The following EXOSC2 variants were observed in gnomAD, a reference collection of about 807,000 sequenced individuals.
The protein encoded by EXOSC2 is exosome complex component RRP4.
EXOSC2 carries 29 observed loss-of-function variants against 37.6 expected under a neutral mutation model. The ratio of observed to expected loss-of-function variants is 0.77; its 90% CI spans 0.57 to 1.05. EXOSC2 has a LOEUF of 1.05. Ranked by LOEUF, EXOSC2 falls within the 50% of genes least tolerant of loss-of-function variation. EXOSC2 has a pLI of 0.00. For missense variants in EXOSC2, 346 were observed against 365.6 expected (o/e 0.95, Z 0.44); for synonymous variants, 119 against 131.1 (o/e 0.91, Z 0.63).
chr9:130,703,072 G>C lies in EXOSC2; in HGVS notation c.692G>C (p.Arg231Pro). 2 of 1,613,456 alleles carry C rather than the reference G, an allele frequency of 1.2e-6. No individual in the cohort carries two copies. Among genetic ancestry groups the C allele is most frequent in the Non-Finnish European group, 1.7e-6 (2 of 1,179,730 alleles). The change falls in exon 8 of 9, where the codon CGA becomes CCA. Residue 231 changes from arginine (R) to proline (P), a missense_variant. Arg to Pro is a moderately radical substitution (Grantham distance 103). Transcript: ENST00000372358. ...ANLEPVSLAD[R>P]EVISRLRNCI... is the part of the protein sequence containing the mutation. ...TTATAGCCTGTCTCTCTTGCTGATC[G>C]AGAGGTGATATCCCGGCTTCGGAAC...
intron 2 of EXOSC2, among the ~76,000 whole-genome samples, chr9:130,697,156 G>A (rs1293210422): frequency 2.6e-5 from 4 of 152,206 alleles, no homozygotes; most frequent in African/African-American, 9.7e-5. Flanking sequence ...TAAGGAACTA[G>A]CAAAGGGGCT....
chr9:130,701,945 G>A lies in EXOSC2; in HGVS notation c.496-189G>A. The stretch of plus-strand genomic sequence containing the variant: ...ATTGAAGGTCACCTTCTGCTGGGAT[G>A]TATGAATAGCCTCTGAGTCCCAAAG... On this transcript the variant is annotated intron_variant, in intron 6 of 8. Transcript: ENST00000372358. The A allele has an allele frequency of 2.8e-6, 4 of 1,408,496 alleles. No homozygotes were observed. In the East Asian group the frequency reaches 7.8e-5, roughly 27 times the overall value. The allele number at this position is 1,408,496 out of a possible 1,614,324, so 87.2% of individuals were successfully genotyped here. A position where few individuals can be genotyped will look rare whatever the true frequency, so the allele number is the denominator to read the frequency against.
In EXOSC2 at chr9:130,697,799, T is replaced by G. The variant is rs1831128194; in HGVS notation, c.270+172T>G. Reference sequence around the variant, plus strand: ...TTCGATTTCAGATTACTGGTTCATGTTTTTTTTTTTTTGAGATGGAGTCTC... The same window carrying G: ...TTCGATTTCAGATTACTGGTTCATGGTTTTTTTTTTTTGAGATGGAGTCTC... On this transcript the variant is annotated intron_variant, in intron 3 of 8. Coordinates refer to ENST00000372358, the MANE Select transcript of EXOSC2 (RefSeq NM_014285.7). 1.7e-5 allele frequency: 4 copies of G among 241,306 alleles called. No homozygotes were observed. The East Asian group carries it at 2.6e-4, about 16-fold the overall frequency. 14.9% of individuals were successfully genotyped at this position (241,306 alleles called of 1,614,324 possible).
At position 130,694,362 on chromosome 9, in the gene EXOSC2, TAC is replaced by T. The variant is rs1305702110; in HGVS notation, c.122+453_122+454del. Among the ~76,000 whole-genome samples, 2 of 152,164 alleles carry T rather than the reference TAC, an allele frequency of 1.3e-5. No individual in the cohort carries two copies. Among genetic ancestry groups the T allele is most frequent in the Admixed American group, 1.3e-4 (2 of 15,282 alleles). On this transcript the variant is annotated intron_variant, in intron 1 of 8. Coordinates refer to ENST00000372358, the MANE Select transcript of EXOSC2 (RefSeq NM_014285.7). This position sits in a 1 kb window ranked among gnomAD's most constrained non-coding sequence, Gnocchi z 4.0. ...ACATTGTGCTGCATGCACCCATTTATACACATTTTGAATCTAAGGGGTGTAGT... is the reference window on the plus strand; with the variant it reads ...ACATTGTGCTGCATGCACCCATTTATACATTTTGAATCTAAGGGGTGTAGT...
At chr9:130,699,489 A>C in intron 5 of EXOSC2, 95 bp downstream of exon 5, 1 of 1,230,832 alleles carries the variant, frequency 8.1e-7, no homozygotes, top group South Asian at 1.2e-5. Context: ...GAACCATGTC[A>C]TCCTTGCAGG....
chr9:130,703,500 G>C (rs1203960867), intron 8 of EXOSC2, among the ~76,000 whole-genome samples, 194 bp from the exon 9 acceptor site: 1 of 152,188 alleles, frequency 6.6e-6, no homozygotes, highest in African/African-American at 2.4e-5. Context: ...CTTTGTTCTT[G>C]TCGACTATAT....
At chr9:130,695,379 C>G (rs760500253) in intron 1 of EXOSC2, 113 bp from the exon 2 acceptor site, 1 of 873,340 alleles carries the variant, frequency 1.1e-6, no homozygotes, top group Non-Finnish European at 1.9e-6. Context: ...AGCACAGAAG[C>G]CACGCTTTGC....
In EXOSC2 at chr9:130,693,839, G is replaced by C; in HGVS notation, c.48G>C (p.Glu16Asp). 1 of 1,612,266 alleles carries C rather than the reference G, an allele frequency of 6.2e-7. No individual in the cohort carries two copies. The highest frequency in any genetic ancestry group is 8.5e-7 in the Non-Finnish European group (1 of 1,178,740). ...CAGTGGCTCGCAAGCCTCTTAGCGA[G>C]AGACTGGGCCGCGACACTAAGAAAC... is the stretch of plus-strand genomic sequence containing the variant. ...RLPVARKPLS[E>D]RLGRDTKKHL... The change falls in exon 1 of 9, where the codon GAG becomes GAC. Residue 16 changes from glutamate to aspartate, a missense_variant. Glu to Asp is a conservative substitution (Grantham distance 45). Transcript: ENST00000372358.
intron 2 of EXOSC2, 29 bp downstream of exon 2, chr9:130,695,622 C>G: frequency 2.5e-6 from 4 of 1,594,716 alleles, no homozygotes; most frequent in Non-Finnish European, 3.4e-6. Context: ...TATTCCCTTT[C>G]TTGCAGCATC....
Position 130,702,208 on chromosome 9 carries a change from A to G in EXOSC2, c.570A>G (p.Pro190=). The G allele has an allele frequency of 6.2e-7, 1 of 1,614,086 alleles. No individual in the cohort carries two copies. The highest frequency in any genetic ancestry group is 1.1e-5 in the South Asian group (1 of 91,056). ...KRQKTHFHDL[P]CGASVILGNN... ...AGAAGACCCACTTTCATGATTTGCC[A>G]TGTGGTGCCTCAGTGATTCTCGGTA... is the stretch of plus-strand genomic sequence containing the variant. The change falls in exon 7 of 9, where the codon CCA becomes CCG. Residue 190 remains proline (P), a synonymous_variant. Transcript: ENST00000372358.
intron 3 of EXOSC2, chr9:130,697,867 C>T (rs1310609797): frequency 1.5e-5 from 8 of 545,376 alleles, no homozygotes; most frequent in Non-Finnish European, 2.6e-5. Context: ...GATCTTGGCT[C>T]ACTGCAACCT....
intron 6 of EXOSC2, 66 bp downstream of exon 6, chr9:130,701,001 A>G: frequency 6.6e-7 from 1 of 1,521,248 alleles, no homozygotes; most frequent in Non-Finnish European, 9.1e-7. Context: ...GAATCCCCAT[A>G]GCTCTCTGGA....
At chr9:130,702,539 A>C (rs1831240021) in intron 7 of EXOSC2, among the ~76,000 whole-genome samples, 1 of 152,108 alleles carries the variant, frequency 6.6e-6, no homozygotes, top group Admixed American at 6.6e-5. Flanking sequence ...GTTGCAGGGT[A>C]ATAGCCGAAG....
chr9:130,698,107 A>G lies in EXOSC2; in HGVS notation c.271-55A>G. The G allele has an allele frequency of 6.5e-7, 1 of 1,548,148 alleles. No individual in the cohort carries two copies. The highest frequency in any genetic ancestry group is 8.9e-7 in the Non-Finnish European group (1 of 1,120,762). Reference sequence around the variant, plus strand: ...CCACATCTGGCCTTACTGGTTATTTATGATATGACACATGAACATGGAGCA... The same window carrying G: ...CCACATCTGGCCTTACTGGTTATTTGTGATATGACACATGAACATGGAGCA... On this transcript the variant is annotated intron_variant, in intron 3 of 8. Coordinates refer to ENST00000372358, the MANE Select transcript of EXOSC2 (RefSeq NM_014285.7). The surrounding 1 kb of genome is among the most constrained non-coding windows in gnomAD (Gnocchi z 4.1).
In EXOSC2 at chr9:130,698,342, A is replaced by G. The variant is rs1406576642; in HGVS notation, c.360+91A>G. ...GTTCCACCAGAGGACTTTGATTTACACTGAGGTTGCCCCTTTGACTCCTGT... is the reference window on the plus strand; with the variant it reads ...GTTCCACCAGAGGACTTTGATTTACGCTGAGGTTGCCCCTTTGACTCCTGT... On this transcript the variant is annotated intron_variant, in intron 4 of 8. Transcript: ENST00000372358. This position sits in a 1 kb window ranked among gnomAD's most constrained non-coding sequence, Gnocchi z 4.1. 8.5e-7 allele frequency: 1 copy of G among 1,180,644 alleles called. No individual in the cohort carries two copies. Among genetic ancestry groups the G allele is most frequent in the Non-Finnish European group, 1.2e-6 (1 of 810,812 alleles). 73.1% of individuals were successfully genotyped at this position (1,180,644 alleles called of 1,614,324 possible).
intron 5 of EXOSC2, 195 bp downstream of exon 5, chr9:130,699,589 T>G: frequency 1.6e-6 from 1 of 612,988 alleles, no homozygotes; most frequent in Non-Finnish European, 2.9e-6. Context: ...TGTTGGGACC[T>G]GCTGCTAAGT....
rs1236605437 is a variant in EXOSC2 at position 130,698,062 on chromosome 9, G to C, written c.271-100G>C. ...ACCAGCTTCGGCCTCCCAAAGTGCT[G>C]GGATTACAGGCGTGAGCCACCACAT... is the stretch of plus-strand genomic sequence containing the variant. On this transcript the variant is annotated intron_variant, in intron 3 of 8. Transcript: ENST00000372358. This position sits in a 1 kb window ranked among gnomAD's most constrained non-coding sequence, Gnocchi z 4.1. 1 of 1,127,070 alleles carries C rather than the reference G, an allele frequency of 8.9e-7. No individual in the cohort carries two copies. The highest frequency in any genetic ancestry group is 1.5e-5 in the African/African-American group (1 of 65,558). The allele number at this position is 1,127,070 out of a possible 1,614,324, so 69.8% of individuals were successfully genotyped here.
In EXOSC2 at chr9:130,698,742, A is replaced by G. The variant is rs1342156636; in HGVS notation, c.360+491A>G. On this transcript the variant is annotated intron_variant, in intron 4 of 8. Coordinates refer to ENST00000372358, the MANE Select transcript of EXOSC2 (RefSeq NM_014285.7). The surrounding 1 kb of genome is among the most constrained non-coding windows in gnomAD (Gnocchi z 4.1). ...GATCTTCAGTCCAGCGTGTATTTACAGAGAGGCTTACTGTGCCAAGCTCTG... is the reference window on the plus strand; with the variant it reads ...GATCTTCAGTCCAGCGTGTATTTACGGAGAGGCTTACTGTGCCAAGCTCTG... Among the ~76,000 whole-genome samples, 1 of 152,236 alleles carries G rather than the reference A, an allele frequency of 6.6e-6. No homozygotes were observed.
At chr9:130,697,531 G>A (rs1399301393) in intron 2 of EXOSC2, 51 bp from the exon 3 acceptor site, 1 of 1,583,378 alleles carries the variant, frequency 6.3e-7, no homozygotes, top group Admixed American at 1.7e-5. Context: ...GTGTGGTCTT[G>A]TCAGAAAGTC....
Sources: allele counts gnomAD v4.1 joint callset (sites outside exome capture counted in the v4.1 genomes callset), GRCh38; gene constraint gnomAD v4.1.1; non-coding constraint Gnocchi (gnomAD v3.1); transcripts MANE v1.5; gene names NCBI Gene and HGNC (gene_info 2026-07-23, HGNC 2026-07-21).